The following MORC2 variants were observed in gnomAD, a reference collection of about 807,000 sequenced individuals.
The protein encoded by MORC2 is ATPase MORC2.
Under a neutral mutation model 136.0 loss-of-function variants are expected in MORC2, and 30 were observed. The observed-to-expected ratio is 0.22, with a 90% confidence interval of 0.17 to 0.30. MORC2 has a LOEUF of 0.30. Among genes scored for constraint, MORC2 ranks in the 10% least tolerant of loss-of-function variants. The pLI is 1.00. For missense variants in MORC2, 922 were observed against 1,333.1 expected (o/e 0.69, Z 4.80); for synonymous variants, 439 against 487.0 (o/e 0.90, Z 1.30).
intron 3 of MORC2, among the ~76,000 whole-genome samples, chr22:30,952,380 C>T (rs780824992): frequency 1.3e-5 from 2 of 152,238 alleles, no homozygotes; most frequent in Non-Finnish European, 2.9e-5. Context: ...TCTTTGGACA[C>T]TGCCTAAGAA....
At chr22:30,945,502 C>T (rs966622405) in intron 6 of MORC2, among the ~76,000 whole-genome samples, 1 of 152,196 alleles carries the variant, frequency 6.6e-6, no homozygotes, top group East Asian at 1.9e-4. Flanking sequence ...TCTTAGCCCC[C>T]CTTCTTTCAA....
At position 30,941,446 on chromosome 22, in the gene MORC2, GGCA is replaced by G. The variant is rs1453483246; in HGVS notation, c.808_810del (p.Cys270del). The G allele has an allele frequency of 6.2e-7, 1 of 1,613,896 alleles. No homozygotes were observed. On this transcript the variant is annotated inframe_deletion, in exon 9 of 26. Transcript: ENST00000397641. This position sits in a 1 kb window ranked among gnomAD's most constrained non-coding sequence, Gnocchi z 4.6. Reference sequence around the variant, plus strand: ...ACTGGCCCCTACCTGGGCTTGTACAGGCAGCAGGAGAGCCTCTTGGTCTGCACC... The same window carrying G: ...ACTGGCCCCTACCTGGGCTTGTACAGGCAGGAGAGCCTCTTGGTCTGCACC...
chr22:30,944,078 A>C (rs1274912482), intron 6 of MORC2, among the ~76,000 whole-genome samples: 1 of 152,156 alleles, frequency 6.6e-6, no homozygotes, highest in African/African-American at 2.4e-5. Flanking sequence ...GTTTCTAAGA[A>C]GCTTTGTGCT....
chr22:30,929,261 T>C (rs1010931157), intron 24 of MORC2, among the ~76,000 whole-genome samples: 25 of 152,344 alleles, frequency 1.6e-4, no homozygotes, highest in Non-Finnish European at 3.4e-4. Context: ...TTTGTAATAA[T>C]TTTTTCTTAA....
chr22:30,932,755 C>T lies in MORC2; in HGVS notation c.2537G>A (p.Ser846Asn). 4.3e-6 allele frequency: 7 copies of T among 1,614,182 alleles called. No homozygotes were observed. Among genetic ancestry groups the T allele is most frequent in the Non-Finnish European group, 5.9e-6 (7 of 1,180,016 alleles). Reference protein sequence around the residue: ...TPRDRWVEKGSEDVRLMKPPS... With the variant: ...TPRDRWVEKGNEDVRLMKPPS... ...GGGTTTCATCAGCCGCACATCCTCA[C>T]TGCCTTTCTCCACCCTGTGGAAGAC... The change falls in exon 23 of 26, where the codon AGT (serine) becomes AAT (asparagine). Residue 846 changes from serine (S) to asparagine (N), a missense_variant. Physicochemically the swap from Ser to Asn is conservative, Grantham distance 46. Around this residue, in one of 9 missense-constraint regions of MORC2, gnomAD observed 263 missense variants for 388.3 expected, o/e 0.68. Coordinates refer to ENST00000397641, the MANE Select transcript of MORC2 (RefSeq NM_001303256.3). The surrounding 1 kb of genome is among the most constrained non-coding windows in gnomAD (Gnocchi z 4.4).
chr22:30,940,984 G>T, intron 9 of MORC2, 147 bp from the exon 10 acceptor site: 1 of 718,358 alleles, frequency 1.4e-6, no homozygotes, highest in Non-Finnish European at 2.5e-6. Flanking sequence ...GCTCAATTCA[G>T]CAAAAAGGTG....
At chr22:30,958,716 G>C in intron 1 of MORC2, 22 bp from the exon 2 acceptor site, 1 of 1,520,950 alleles carries the variant, frequency 6.6e-7, no homozygotes, top group East Asian at 2.5e-5. Context: ...AATACTAAAA[G>C]TCAGCAAAAG....
intron 1 of MORC2, among the ~76,000 whole-genome samples, chr22:30,959,694 G>A (rs1175611611): frequency 6.6e-6 from 1 of 151,662 alleles, no homozygotes; most frequent in East Asian, 1.9e-4. Flanking sequence ...CATAATACAT[G>A]ACCATCAATT....
At chr22:30,931,809 G>C (rs2040579739) in intron 24 of MORC2, among the ~76,000 whole-genome samples, 1 of 152,230 alleles carries the variant, frequency 6.6e-6, no homozygotes, top group Non-Finnish European at 1.5e-5. Context: ...AGTCTCTACT[G>C]AATCTTGAGC....
chr22:30,933,381 T>C (rs1323337148), intron 21 of MORC2, 85 bp downstream of exon 21: 1 of 1,454,558 alleles, frequency 6.9e-7, no homozygotes, highest in African/African-American at 1.4e-5. Context: ...AATGAGCCTT[T>C]GGTAAATTGC....
chr22:30,964,036 C>A (rs1294684719), intron 1 of MORC2, among the ~76,000 whole-genome samples: 1 of 152,134 alleles, frequency 6.6e-6, no homozygotes, highest in African/African-American at 2.4e-5. Flanking sequence ...TGACAGGCTC[C>A]TCTACATTCA....
rs979597699 is a variant in MORC2, at chr22:30,939,008, A to T, written c.1073+613T>A. 2.0e-5 allele frequency among the ~76,000 whole-genome samples: 3 copies of T among 152,182 alleles called. 1 individual carries two copies. The highest frequency in any genetic ancestry group is 2.0e-4 in the Admixed American group (3 of 15,276). ...GAGTGGACTGACTTGGAGAGAAAAA[A>T]CCTGAAACCCATGCCTGTGCCAAGG... is the stretch of plus-strand genomic sequence containing the variant. On this transcript the variant is annotated intron_variant, in intron 12 of 25. Transcript: ENST00000397641.
In MORC2 at chr22:30,933,452, C is replaced by G. The variant is rs1185337496; in HGVS notation, c.2380+14G>C. 6.2e-7 allele frequency: 1 copy of G among 1,613,520 alleles called. No homozygotes were observed. Among genetic ancestry groups the G allele is most frequent in the East Asian group, 2.2e-5 (1 of 44,860 alleles). ...ACCCCCGCCACAGGCTGCCAAGTCA[C>G]TCCCCCAGCTCACCTTTCTGAGCTC... On this transcript the variant is annotated intron_variant, in intron 21 of 25. Coordinates refer to ENST00000397641, the MANE Select transcript of MORC2 (RefSeq NM_001303256.3).
chr22:30,964,294 T>C (rs929811308), intron 1 of MORC2, among the ~76,000 whole-genome samples: 2 of 151,836 alleles, frequency 1.3e-5, no homozygotes, highest in African/African-American at 4.8e-5. Context: ...GAGGTGGAGG[T>C]TGCAGTGAGG....
At position 30,926,272 on chromosome 22, in the gene MORC2, G is replaced by C. The variant is rs2040480256; in HGVS notation, c.*531C>G. ...AGGACCAACTCTGACAGCTGCGAGA[G>C]AGAGAGCCCCTCCAATGTGGAACCT... On this transcript the variant is annotated 3_prime_UTR_variant, in exon 26 of 26. Coordinates refer to ENST00000397641, the MANE Select transcript of MORC2 (RefSeq NM_001303256.3). The C allele has an allele frequency of 1.3e-5, 2 of 152,324 alleles. No individual in the cohort carries two copies. Among genetic ancestry groups the C allele is most frequent in the African/African-American group, 4.8e-5 (2 of 41,390 alleles). 9.4% of individuals were successfully genotyped at this position (152,324 alleles called of 1,614,324 possible).
chr22:30,947,555 G>C (rs1262145793), intron 5 of MORC2, among the ~76,000 whole-genome samples: 2 of 152,118 alleles, frequency 1.3e-5, no homozygotes, highest in Non-Finnish European at 2.9e-5. Context: ...GCACACAAAT[G>C]AATGTCATGC....
chr22:30,939,481 A>G (rs1448570076), intron 12 of MORC2, 140 bp downstream of exon 12: 13 of 784,844 alleles, frequency 1.7e-5, no homozygotes, highest in Non-Finnish European at 2.4e-5. Context: ...GCTAGGATTA[A>G]GACTTCCCTC....
intron 5 of MORC2, among the ~76,000 whole-genome samples, chr22:30,947,454 T>C (rs2040834241): frequency 6.6e-6 from 1 of 152,178 alleles, no homozygotes; most frequent in Non-Finnish European, 1.5e-5. Flanking sequence ...TATTATCTCA[T>C]TAGTCTTTAT....
In MORC2 at chr22:30,932,538, CAT is replaced by C. The variant is rs67357185; in HGVS notation, c.2747+5_2747+6del. ...CCCTGGGGTGGGAAGACAAAAGACA[CAT>C]GTACCGGAGGATCTGGACAAGCAGG... is the stretch of plus-strand genomic sequence containing the variant. On this transcript the variant is annotated splice_donor_5th_base_variant and intron_variant, in intron 23 of 25. Transcript: ENST00000397641. The surrounding 1 kb of genome is among the most constrained non-coding windows in gnomAD (Gnocchi z 4.4). The C allele has an allele frequency of 5.7e-4, 921 of 1,613,960 alleles. 1 individual carries two copies. In the African/African-American group the frequency reaches 0.011, roughly 19 times the overall value.
Sources: allele counts gnomAD v4.1 joint callset (sites outside exome capture counted in the v4.1 genomes callset), GRCh38; gene constraint gnomAD v4.1.1; regional missense constraint gnomAD v4.1.1; non-coding constraint Gnocchi (gnomAD v3.1); transcripts MANE v1.5; gene names NCBI Gene and HGNC (gene_info 2026-07-23, HGNC 2026-07-21).